Variants in DPP6 observed in about 807,000 individuals in gnomAD.
The protein encoded by DPP6 is dipeptidyl peptidase like 6.
In DPP6, 69 loss-of-function variants were observed where a neutral mutation model predicts 122.6. The observed-to-expected ratio is 0.56, with a 90% CI of 0.46 to 0.69. DPP6 has a LOEUF of 0.69. Ranked by LOEUF, DPP6 falls within the 30% of genes least tolerant of loss-of-function variation. The probability of loss-of-function intolerance (pLI) is 0.00; values close to 1 mark genes in which losing one functional copy is unlikely to be tolerated. For missense variants in DPP6, 928 were observed against 1,116.9 expected (o/e 0.83, Z 2.41); for synonymous variants, 418 against 433.1 (o/e 0.97, Z 0.43).
At chr7:153,975,266 T>G (rs145299718) in intron 1 of DPP6, among the ~76,000 whole-genome samples, 1 of 150,554 alleles carries the variant, frequency 6.6e-6, no homozygotes, top group African/African-American at 2.5e-5. Context: ...ATTTCACTTA[T>G]GAAAGGAGTC....
At chr7:153,881,796 A>T in the DPP6 span, among the ~76,000 whole-genome samples, 5 of 152,160 alleles carry the variant, frequency 3.3e-5, no homozygotes, top group Non-Finnish European at 5.9e-5. Context: ...CCCTGGCTCC[A>T]GGTCCTAATG....
chr7:153,842,366 ATAAT>A, the DPP6 span, among the ~76,000 whole-genome samples: 1 of 152,180 alleles, frequency 6.6e-6, no homozygotes, highest in Non-Finnish European at 1.5e-5. Context: ...ACAATAATCA[ATAAT>A]TAATATATCA....
chr7:154,177,541 C>A (rs1052339964), intron 1 of DPP6, among the ~76,000 whole-genome samples: 8 of 152,194 alleles, frequency 5.3e-5, no homozygotes, highest in African/African-American at 1.9e-4. Context: ...TGCAGAAGGG[C>A]CTGAGGCCCT....
chr7:154,122,476 A>T (rs1479197343), intron 1 of DPP6, among the ~76,000 whole-genome samples: 1 of 152,250 alleles, frequency 6.6e-6, no homozygotes, highest in Non-Finnish European at 1.5e-5. Flanking sequence ...AACCGAAGTT[A>T]CTAGAAAGAG....
chr7:154,756,425 G>C lies in DPP6; in HGVS notation c.884-12992G>C, dbSNP rs920878422. Among the ~76,000 whole-genome samples the C allele has an allele frequency of 3.9e-5, 6 of 152,106 alleles. No homozygotes were observed. The East Asian group carries it at 1.2e-3, about 29-fold the overall frequency. On this transcript the variant is annotated intron_variant, in intron 8 of 25. Coordinates refer to ENST00000377770, the MANE Select transcript of DPP6 (RefSeq NM_130797.4). ...TGACACCTGCAGACTACAGGCAATA[G>C]TAGACGATTTTACGGATAATAGTTA... is the stretch of plus-strand genomic sequence containing the variant.
At position 154,322,216 on chromosome 7, in the gene DPP6, C is replaced by T. The variant is rs575937461; in HGVS notation, c.244-123998C>T. Among the ~76,000 whole-genome samples, 3 of 152,262 alleles carry T rather than the reference C, an allele frequency of 2.0e-5. No individual in the cohort carries two copies. The East Asian group carries it at 5.8e-4, about 29-fold the overall frequency. ...GGCCTGGGGACGAAGCAGTATGAGCCCACATTCTGAGTTGTAAAACCCCAC... is the reference window on the plus strand; with the variant it reads ...GGCCTGGGGACGAAGCAGTATGAGCTCACATTCTGAGTTGTAAAACCCCAC... On this transcript the variant is annotated intron_variant, in intron 1 of 25. Coordinates refer to ENST00000377770, the MANE Select transcript of DPP6 (RefSeq NM_130797.4).
intron 1 of DPP6, among the ~76,000 whole-genome samples, chr7:154,340,935 A>G (rs1325827911): frequency 6.6e-6 from 1 of 152,032 alleles, no homozygotes; most frequent in African/African-American, 2.4e-5. Flanking sequence ...TTTTTGAAAA[A>G]CATTTCCCTT....
the DPP6 span, among the ~76,000 whole-genome samples, chr7:153,820,415 A>G: frequency 2.6e-5 from 4 of 152,260 alleles, no homozygotes; most frequent in Non-Finnish European, 4.4e-5. Flanking sequence ...TTTTATTACA[A>G]TAAAATACAT....
chr7:154,406,285 A>G (rs910937797), intron 1 of DPP6, among the ~76,000 whole-genome samples: 1 of 152,232 alleles, frequency 6.6e-6, no homozygotes, highest in African/African-American at 2.4e-5. Context: ...ATTCTCTTTT[A>G]TTAAACACAC....
At chr7:154,871,494 T>C (rs1367097165) in intron 18 of DPP6, among the ~76,000 whole-genome samples, 2 of 152,246 alleles carry the variant, frequency 1.3e-5, no homozygotes, top group East Asian at 3.8e-4. Context: ...TTATTTTGTA[T>C]TTTTTAGAAA....
chr7:154,508,737 A>G (rs893030035), intron 3 of DPP6, among the ~76,000 whole-genome samples: 2 of 152,214 alleles, frequency 1.3e-5, no homozygotes, highest in African/African-American at 4.8e-5. Flanking sequence ...AGGCTAAGAA[A>G]GAAAAGGCAC....
intron 9 of DPP6, 107 bp from the exon 10 acceptor site, chr7:154,772,738 T>C: frequency 7.0e-7 from 1 of 1,429,698 alleles, no homozygotes; most frequent in Non-Finnish European, 9.6e-7. Flanking sequence ...GGAGCTCCAG[T>C]GTCCTGGAGT....
intron 1 of DPP6, among the ~76,000 whole-genome samples, chr7:153,898,169 G>C (rs79910341): frequency 0.056 from 8,592 of 152,268 alleles, 302 homozygotes; most frequent in South Asian, 0.11. Context: ...ACAGCTAAAA[G>C]AGTCTGGGTG....
intron 1 of DPP6, among the ~76,000 whole-genome samples, chr7:154,053,309 G>T (rs1351207580): frequency 6.6e-6 from 1 of 152,080 alleles, no homozygotes; most frequent in Non-Finnish European, 1.5e-5. Context: ...CGGGGTTTGG[G>T]TACTGCGCCT....
At chr7:154,255,526 C>G (rs909100034) in intron 1 of DPP6, among the ~76,000 whole-genome samples, 13 of 152,104 alleles carry the variant, frequency 8.5e-5, no homozygotes, top group Non-Finnish European at 1.9e-4. Flanking sequence ...CACCTGGAAG[C>G]CAGGAGGGAG....
rs1491244403 is a variant in DPP6, at chr7:153,918,565, AGT to A, written c.51+30832_51+30833del. Among the ~76,000 whole-genome samples the A allele has an allele frequency of 9.4e-3, 539 of 57,546 alleles. 1 individual carries two copies. The highest frequency in any genetic ancestry group is 0.015 in the Middle Eastern group (1 of 68). 37.8% of individuals were successfully genotyped at this position (57,546 alleles called of 152,430 possible). A position where few individuals can be genotyped will look rare whatever the true frequency, so the allele number is the denominator to read the frequency against. On this transcript the variant is annotated intron_variant, in intron 1 of 25. Transcript: ENST00000404039. ...CACACACACACACACACACACACAC[AGT>A]CTCTCTCTCTCTCTCTCTCTCTCTC...
At chr7:153,937,596 C>T (rs771378708) in intron 1 of DPP6, among the ~76,000 whole-genome samples, 6 of 152,076 alleles carry the variant, frequency 3.9e-5, no homozygotes, top group Admixed American at 6.6e-5. Flanking sequence ...AACAGGCGCC[C>T]GCCACCATGC....
chr7:154,200,172 G>A lies in DPP6; in HGVS notation c.243+147109G>A, dbSNP rs1243048792. 2.0e-5 allele frequency among the ~76,000 whole-genome samples: 3 copies of A among 152,190 alleles called. No homozygotes were observed. The East Asian group carries it at 5.8e-4, about 29-fold the overall frequency. ...CCAGGGTGTAGCTTGGCTTTGGAAGGCTTTTTCTTTCCTGGCTCCTTTTTT... is the reference window on the plus strand; with the variant it reads ...CCAGGGTGTAGCTTGGCTTTGGAAGACTTTTTCTTTCCTGGCTCCTTTTTT... On this transcript the variant is annotated intron_variant, in intron 1 of 25. Coordinates refer to ENST00000377770, the MANE Select transcript of DPP6 (RefSeq NM_130797.4).
At chr7:153,776,000 C>T in the DPP6 span, among the ~76,000 whole-genome samples, 3 of 152,166 alleles carry the variant, frequency 2.0e-5, no homozygotes, top group Non-Finnish European at 4.4e-5. Context: ...TTATCCCCAA[C>T]GTTATATGTT....
Sources: gnomAD v4.1 joint callset for allele counts (sites outside exome capture counted in the v4.1 genomes callset) on GRCh38, gnomAD v4.1.1 for gene constraint, MANE v1.5 for transcripts, NCBI Gene and HGNC (gene_info 2026-07-23, HGNC 2026-07-21) for gene names.